Variants in PDE6C observed in about 807,000 individuals in gnomAD.
PDE6C encodes phosphodiesterase 6C.
Under a neutral mutation model 113.1 loss-of-function variants are expected in PDE6C, and 75 were observed. The ratio of observed to expected loss-of-function variants is 0.66; its 90% CI spans 0.55 to 0.80. The LOEUF is 0.80. Among genes scored for constraint, PDE6C ranks in the 30% least tolerant of loss-of-function variants. The pLI, the probability that PDE6C is intolerant of heterozygous loss-of-function variation, is 0.00. For missense variants in PDE6C, 912 were observed against 1,038.6 expected, an observed-to-expected ratio of 0.88 and a Z score of 1.67; for synonymous variants, 375 against 363.7, an observed-to-expected ratio of 1.03 and a Z score of -0.35.
At chr10:93,645,821 T>C (rs1229179119) in intron 14 of PDE6C, 139 bp from the exon 15 acceptor site, 1 of 662,454 alleles carries the variant, frequency 1.5e-6, no homozygotes, top group Non-Finnish European at 2.7e-6. Context: ...GAAAATCTTT[T>C]CCAATATGTT....
In PDE6C at chr10:93,665,596, A is replaced by C; in HGVS notation, c.*178A>C. 3.4e-6 allele frequency: 2 copies of C among 595,798 alleles called. No individual in the cohort carries two copies. The highest frequency in any genetic ancestry group is 6.0e-6 in the Non-Finnish European group (2 of 335,556). 36.9% of individuals were successfully genotyped at this position (595,798 alleles called of 1,614,324 possible). ...TCCCAGGGGCAAAATAAAGTTCAACAAAAGTGCAAAATATGACAAAAATAG... is the reference window on the plus strand; with the variant it reads ...TCCCAGGGGCAAAATAAAGTTCAACCAAAGTGCAAAATATGACAAAAATAG... On this transcript the variant is annotated 3_prime_UTR_variant, in exon 22 of 22. Transcript: ENST00000371447.
chr10:93,651,513 CCTCA>C (rs1462308578), intron 15 of PDE6C, among the ~76,000 whole-genome samples: 2 of 152,080 alleles, frequency 1.3e-5, no homozygotes, highest in Non-Finnish European at 2.9e-5. Context: ...GTGAGAACTC[CCTCA>C]CTATCATGAG....
rs533473691 is a variant in PDE6C, at chr10:93,612,821, G to T, written c.96G>T (p.Val32=). The T allele has an allele frequency of 6.2e-7, 1 of 1,614,192 alleles. No individual in the cohort carries two copies. Among genetic ancestry groups the T allele is most frequent in the African/African-American group, 1.3e-5 (1 of 75,060 alleles). Residue 32 remains valine, a synonymous_variant, in exon 1 of 22, where the codon GTG becomes GTT. Coordinates refer to ENST00000371447, the MANE Select transcript of PDE6C (RefSeq NM_006204.4). ...EYFDRKLRVE[V]LGEIFKNSQV... ...TTGACAGGAAGTTGCGGGTGGAGGT[G>T]CTGGGAGAAATCTTCAAGAACAGCC...
At chr10:93,620,306 G>A (rs2058439294) in intron 1 of PDE6C, among the ~76,000 whole-genome samples, 1 of 152,114 alleles carries the variant, frequency 6.6e-6, no homozygotes, top group African/African-American at 2.4e-5. Context: ...GCTGTCTATT[G>A]TAACCTTGTG....
chr10:93,625,703 A>G, intron 5 of PDE6C, 54 bp downstream of exon 5: 1 of 1,232,216 alleles, frequency 8.1e-7, no homozygotes, highest in Non-Finnish European at 1.2e-6. Flanking sequence ...AGGTGCTAAA[A>G]TTAAGAGGCC....
chr10:93,658,917 CA>C lies in PDE6C; in HGVS notation c.2059del (p.Ile687LeufsTer18), dbSNP rs2133877207. On this transcript the variant is annotated frameshift_variant, in exon 17 of 22. Coordinates refer to ENST00000371447, the MANE Select transcript of PDE6C (RefSeq NM_006204.4). LOFTEE classifies it high-confidence loss of function. ...ALYFKKRTMFQKIVDACEQMQ... is the reference protein window; with the variant it reads ...ALYFKKRTMFXKIVDACEQMQ... Reference sequence around the variant, plus strand: ...CTTTTCTAGGAAGAGGACCATGTTTCAAAAAATTGTTGATGCCTGTGAACAA... The same window carrying C: ...CTTTTCTAGGAAGAGGACCATGTTTCAAAAATTGTTGATGCCTGTGAACAA... 6.2e-7 allele frequency: 1 copy of C among 1,609,354 alleles called. No individual in the cohort carries two copies. The highest frequency in any genetic ancestry group is 8.5e-7 in the Non-Finnish European group (1 of 1,176,078).
intron 1 of PDE6C, among the ~76,000 whole-genome samples, chr10:93,620,170 T>C (rs2058438458): frequency 6.6e-6 from 1 of 152,144 alleles, no homozygotes; most frequent in Non-Finnish European, 1.5e-5. Context: ...AATGATAATT[T>C]TTGCTTTATG....
intron 15 of PDE6C, among the ~76,000 whole-genome samples, chr10:93,646,295 A>G (rs1373648800): frequency 6.6e-6 from 1 of 152,044 alleles, no homozygotes; most frequent in African/African-American, 2.4e-5. Context: ...GAAAGAAGAA[A>G]AAGCTTATGG....
chr10:93,614,290 G>A (rs1040942744), intron 1 of PDE6C, among the ~76,000 whole-genome samples: 10 of 152,162 alleles, frequency 6.6e-5, no homozygotes, highest in African/African-American at 1.7e-4. Context: ...AGGGTCACAC[G>A]GACCCAAGAG....
At position 93,620,931 on chromosome 10, in the gene PDE6C, G is replaced by A; in HGVS notation, c.674G>A (p.Arg225Lys). 1 of 1,613,976 alleles carries A rather than the reference G, an allele frequency of 6.2e-7. No individual in the cohort carries two copies. Among genetic ancestry groups the A allele is most frequent in the South Asian group, 1.1e-5 (1 of 91,064 alleles). The change falls in exon 3 of 22, where the codon AGG (arginine) becomes AAG (lysine). Residue 225 changes from arginine (R) to lysine (K), a missense_variant. Physicochemically the swap from Arg to Lys is conservative, Grantham distance 26. Coordinates refer to ENST00000371447, the MANE Select transcript of PDE6C (RefSeq NM_006204.4). ...CTCAACTTTGTGTCTATCATCCTAAGGCTTCATCACACCAGCTACATGTAC... is the reference window on the plus strand; with the variant it reads ...CTCAACTTTGTGTCTATCATCCTAAAGCTTCATCACACCAGCTACATGTAC... ...KYLNFVSIIL[R>K]LHHTSYMYNI...
intron 16 of PDE6C, among the ~76,000 whole-genome samples, chr10:93,657,125 G>A (rs1439330872): frequency 6.6e-6 from 1 of 151,686 alleles, no homozygotes; most frequent in Non-Finnish European, 1.5e-5. Flanking sequence ...TTCCATCCAT[G>A]TTTTTATATG....
rs751154131 is a variant in PDE6C at position 93,640,052 on chromosome 10, C to T, written c.1483-18C>T. 4.3e-6 allele frequency: 7 copies of T among 1,613,614 alleles called. No homozygotes were observed. The highest frequency in any genetic ancestry group is 1.7e-5 in the Admixed American group (1 of 60,002). On this transcript the variant is annotated intron_variant, in intron 11 of 21. Coordinates refer to ENST00000371447, the MANE Select transcript of PDE6C (RefSeq NM_006204.4). ...ACAGATGAATGTAATCTGAAACAAC[C>T]CATCCTTATTTCAACAGAAAGAGGA...
At chr10:93,626,769 T>C in intron 6 of PDE6C, 36 bp from the exon 7 acceptor site, 1 of 1,605,382 alleles carries the variant, frequency 6.2e-7, no homozygotes, top group Non-Finnish European at 8.5e-7. Flanking sequence ...TGCATTTCTC[T>C]ATATTGCAAT....
At chr10:93,621,519 CCAGG>C in intron 3 of PDE6C, among the ~76,000 whole-genome samples, 1 of 152,278 alleles carries the variant, frequency 6.6e-6, no homozygotes, top group East Asian at 1.9e-4. Context: ...TTTGAACTCT[CCAGG>C]TAAGGTTACC....
chr10:93,635,437 G>T (rs571163357), intron 9 of PDE6C, 60 bp from the exon 10 acceptor site: 1 of 1,374,504 alleles, frequency 7.3e-7, no homozygotes, highest in African/African-American at 1.4e-5. Flanking sequence ...GCAGATTGTT[G>T]CCTCCAAACC....
intron 15 of PDE6C, among the ~76,000 whole-genome samples, chr10:93,654,810 C>CTTTCT (rs1554891606): frequency 1.6e-3 from 124 of 77,100 alleles, no homozygotes; most frequent in Middle Eastern, 0.011. Flanking sequence ...TTCTTTCTTT[C>CTTTCT]TTTTTTTTTT....
At chr10:93,621,610 C>A (rs891345082) in intron 3 of PDE6C, among the ~76,000 whole-genome samples, 2 of 152,102 alleles carry the variant, frequency 1.3e-5, no homozygotes, top group African/African-American at 2.4e-5. Context: ...AGTGGGCCAC[C>A]GATACTGGAT....
chr10:93,634,915 C>T lies in PDE6C; in HGVS notation c.1269+8C>T. 1 of 1,613,396 alleles carries T rather than the reference C, an allele frequency of 6.2e-7. No individual in the cohort carries two copies. Among genetic ancestry groups the T allele is most frequent in the South Asian group, 1.1e-5 (1 of 91,048 alleles). ...GATGAATACATTACCGAGGCAAGTG[C>T]AATAATAAGATAATGGAAGTCAATG... is the stretch of plus-strand genomic sequence containing the variant. On this transcript the variant is annotated splice_region_variant and intron_variant, in intron 9 of 21. Transcript: ENST00000371447.
intron 15 of PDE6C, among the ~76,000 whole-genome samples, chr10:93,652,724 TTC>T (rs757814084): frequency 1.3e-5 from 2 of 152,194 alleles, no homozygotes; most frequent in Non-Finnish European, 2.9e-5. Context: ...AGCGTTTTCT[TTC>T]ACGTCTATTA....
Sources: gnomAD v4.1 joint callset for allele counts (sites outside exome capture counted in the v4.1 genomes callset) on GRCh38, gnomAD v4.1.1 for gene constraint, MANE v1.5 for transcripts, NCBI Gene and HGNC (gene_info 2026-07-23, HGNC 2026-07-21) for gene names.